The following GRM1 variants were observed in gnomAD, a reference collection of about 807,000 sequenced individuals.
GRM1 encodes glutamate metabotropic receptor 1.
A neutral mutation model predicts 90.9 loss-of-function variants in GRM1; 33 were observed. The observed-to-expected ratio is 0.36, with a 90% CI of 0.28 to 0.49. The LOEUF (loss-of-function observed/expected upper bound fraction) is 0.49, where lower values mean the gene tolerates loss of function less well. GRM1 is among the 20% of genes least tolerant of loss of function. GRM1 has a pLI of 0.99. For synonymous variants in GRM1, 700 were observed against 613.2 expected, an observed-to-expected ratio of 1.14 and a Z score of -2.09; for missense variants, 1,190 against 1,534.3, an observed-to-expected ratio of 0.78 and a Z score of 3.75.
At chr6:146,283,230 T>G (rs1462850052) in intron 2 of GRM1, among the ~76,000 whole-genome samples, 1 of 152,208 alleles carries the variant, frequency 6.6e-6, no homozygotes, top group Non-Finnish European at 1.5e-5. Flanking sequence ...TGAATGAGCA[T>G]AAATGATTGT....
intron 1 of GRM1, among the ~76,000 whole-genome samples, chr6:146,084,553 G>A (rs1355599649): frequency 6.6e-6 from 1 of 152,106 alleles, no homozygotes; most frequent in Non-Finnish European, 1.5e-5. Flanking sequence ...GGTTTTCAGT[G>A]AGTTTCTTAA....
At position 146,205,211 on chromosome 6, in the gene GRM1, G is replaced by A. The variant is rs183516058; in HGVS notation, c.950+45614G>A. Among the ~76,000 whole-genome samples, 9 of 152,214 alleles carry A rather than the reference G, an allele frequency of 5.9e-5. No individual in the cohort carries two copies. In the East Asian group the frequency reaches 1.4e-3, roughly 23 times the overall value. On this transcript the variant is annotated intron_variant, in intron 2 of 7. Coordinates refer to ENST00000282753, the MANE Select transcript of GRM1 (RefSeq NM_001278064.2). ...GATTTTGTTAGAAAATGACAAAGGA[G>A]GTCATTGAGTTATGGTCCCTTTTTC...
chr6:146,250,751 G>A (rs1190651286), intron 2 of GRM1, among the ~76,000 whole-genome samples: 1 of 152,150 alleles, frequency 6.6e-6, no homozygotes, highest in Non-Finnish European at 1.5e-5. Flanking sequence ...AGTGAGTCTG[G>A]TCCCAGAGCC....
intron 1 of GRM1, among the ~76,000 whole-genome samples, chr6:146,040,360 A>G (rs1262104300): frequency 1.3e-5 from 2 of 151,970 alleles, no homozygotes; most frequent in African/African-American, 4.8e-5. Flanking sequence ...TTACCTGTGA[A>G]TTTTATGCCT....
chr6:146,406,385 T>C (rs1413386889), intron 7 of GRM1, among the ~76,000 whole-genome samples: 1 of 152,206 alleles, frequency 6.6e-6, no homozygotes, highest in Non-Finnish European at 1.5e-5. Context: ...CCCATCCTAC[T>C]GATTTTATTG....
intron 2 of GRM1, among the ~76,000 whole-genome samples, chr6:146,238,139 C>T (rs915006217): frequency 2.6e-5 from 4 of 151,996 alleles, no homozygotes; most frequent in Admixed American, 6.6e-5. Context: ...ACAAGCAAAA[C>T]GAAAAACACA....
intron 2 of GRM1, among the ~76,000 whole-genome samples, chr6:146,272,819 G>A (rs996018016): frequency 2.6e-4 from 39 of 152,290 alleles, no homozygotes; most frequent in Non-Finnish European, 5.0e-4. Context: ...AGGACAGGGA[G>A]TGAAAAACAA....
At chr6:146,417,825 A>G (rs115655938) in intron 7 of GRM1, among the ~76,000 whole-genome samples, 2,755 of 152,232 alleles carry the variant, frequency 0.018, 85 homozygotes, top group African/African-American at 0.063. Context: ...AGTTGTTTTC[A>G]TCATCCTTTT....
At chr6:146,230,347 G>A (rs563782343) in intron 2 of GRM1, among the ~76,000 whole-genome samples, 14 of 152,116 alleles carry the variant, frequency 9.2e-5, no homozygotes, top group Non-Finnish European at 2.9e-5. Flanking sequence ...TAAAATATGG[G>A]CCAAAGGCCT....
Position 146,434,465 on chromosome 6 carries a change from T to C in GRM1, c.3254T>C (p.Phe1085Ser), listed in dbSNP as rs776827743. Reference sequence around the variant, plus strand: ...ATGCTGCCGCTGCAGCTGAGCACCTTTGGGGAGGAGCTGGTCTCCCCGCCC... The same window carrying C: ...ATGCTGCCGCTGCAGCTGAGCACCTCTGGGGAGGAGCTGGTCTCCCCGCCC... ...LQMLPLQLST[F>S]GEELVSPPAD... Residue 1085 changes from phenylalanine (F) to serine (S), a missense_variant, in exon 8 of 8, where the codon TTT (phenylalanine) becomes TCT (serine). Transcript: ENST00000282753. The C allele has an allele frequency of 3.7e-6, 6 of 1,613,818 alleles. No homozygotes were observed. The highest frequency in any genetic ancestry group is 1.6e-4 in the Middle Eastern group (1 of 6,062).
intron 5 of GRM1, among the ~76,000 whole-genome samples, chr6:146,385,243 G>A (rs1298943200): frequency 1.3e-5 from 2 of 151,978 alleles, no homozygotes; most frequent in African/African-American, 4.8e-5. Context: ...TAAGAAAGGG[G>A]TGATACATTC....
intron 2 of GRM1, among the ~76,000 whole-genome samples, chr6:146,222,577 A>G (rs1373448204): frequency 6.6e-6 from 1 of 151,954 alleles, no homozygotes; most frequent in African/African-American, 2.4e-5. Flanking sequence ...AGAGAGAGAG[A>G]ATTTTTTCCT....
intron 2 of GRM1, among the ~76,000 whole-genome samples, chr6:146,301,703 A>G (rs1225633830): frequency 6.6e-6 from 1 of 152,152 alleles, no homozygotes; most frequent in Non-Finnish European, 1.5e-5. Flanking sequence ...AACTGGTCTT[A>G]TTTTTATCCT....
chr6:146,391,477 G>A (rs1252346838), intron 6 of GRM1, among the ~76,000 whole-genome samples: 1 of 152,012 alleles, frequency 6.6e-6, no homozygotes, highest in East Asian at 1.9e-4. Flanking sequence ...TTAGGTGGAC[G>A]CTACTCACCA....
At chr6:146,341,880 G>A (rs117000868) in intron 3 of GRM1, among the ~76,000 whole-genome samples, 254 of 152,250 alleles carry the variant, frequency 1.7e-3, no homozygotes, top group Middle Eastern at 3.4e-3. Flanking sequence ...TTTAAAGTTT[G>A]TTATCATTAT....
intron 3 of GRM1, among the ~76,000 whole-genome samples, chr6:146,320,307 A>C (rs1312073067): frequency 1.3e-5 from 2 of 152,172 alleles, no homozygotes; most frequent in Non-Finnish European, 2.9e-5. Context: ...CATACCAGGG[A>C]TGAAGCTGAC....
intron 2 of GRM1, among the ~76,000 whole-genome samples, chr6:146,209,366 G>A: frequency 6.6e-6 from 1 of 152,088 alleles, no homozygotes; most frequent in East Asian, 1.9e-4. Flanking sequence ...AAAGATCTGG[G>A]ACATTTTTGA....
intron 1 of GRM1, among the ~76,000 whole-genome samples, chr6:146,079,864 A>G (rs888135544): frequency 6.6e-6 from 1 of 152,118 alleles, no homozygotes; most frequent in African/African-American, 2.4e-5. Flanking sequence ...CAAATCCACC[A>G]TATCTCTTTA....
intron 3 of GRM1, 105 bp from the exon 4 acceptor site, chr6:146,352,145 C>A: frequency 8.5e-7 from 1 of 1,173,130 alleles, no homozygotes; most frequent in Non-Finnish European, 1.3e-6. Context: ...AGTGTCATTG[C>A]TCATTCCCTT....
Sources: gnomAD v4.1 joint callset for allele counts (sites outside exome capture counted in the v4.1 genomes callset) on GRCh38, gnomAD v4.1.1 for gene constraint, MANE v1.5 for transcripts, NCBI Gene and HGNC (gene_info 2026-07-23, HGNC 2026-07-21) for gene names.